Variants in RIPOR2 observed in about 807,000 individuals in gnomAD.
RIPOR2 encodes the protein rho family-interacting cell polarization regulator 2.
Under a neutral mutation model 114.5 loss-of-function variants are expected in RIPOR2, and 39 were observed. The observed-to-expected ratio is 0.34, with a 90% confidence interval of 0.26 to 0.44. RIPOR2 has a LOEUF of 0.44. Ranked by LOEUF, RIPOR2 falls within the 20% of genes least tolerant of loss-of-function variation. The pLI is 1.00. For missense variants in RIPOR2, 1,007 were observed against 1,255.1 expected, an observed-to-expected ratio of 0.80 and a Z score of 2.99; for synonymous variants, 445 against 484.4, an observed-to-expected ratio of 0.92 and a Z score of 1.07.
At chr6:24,817,948 A>C (rs1243067285) in intron 20 of RIPOR2, among the ~76,000 whole-genome samples, 1 of 144,568 alleles carries the variant, frequency 6.9e-6, no homozygotes, top group Non-Finnish European at 1.5e-5. Context: ...CTTTTAAAAT[A>C]AGATATACTT....
intron 1 of RIPOR2, among the ~76,000 whole-genome samples, chr6:25,004,386 T>C (rs1037735815): frequency 2.6e-5 from 4 of 152,210 alleles, no homozygotes; most frequent in Admixed American, 2.0e-4. Flanking sequence ...CCCTACTGCT[T>C]GGTCACAGTG....
At chr6:25,002,326 C>T (rs1002573428) in intron 1 of RIPOR2, among the ~76,000 whole-genome samples, 1 of 152,180 alleles carries the variant, frequency 6.6e-6, no homozygotes, top group Non-Finnish European at 1.5e-5. Context: ...AACGTATGTC[C>T]TCCAACTCGT....
In RIPOR2 at chr6:25,022,531, C is replaced by CTTTTTTTTTTTTTTTTTTTTTTTT. The variant is rs1561848668; in HGVS notation, c.76+19319_76+19320insAAAAAAAAAAAAAAAAAAAAAAAA. 5.4e-4 allele frequency among the ~76,000 whole-genome samples: 35 copies of CTTTTTTTTTTTTTTTTTTTTTTTT among 64,524 alleles called. 2 individuals are homozygous for CTTTTTTTTTTTTTTTTTTTTTTTT. The highest frequency in any genetic ancestry group is 1.1e-3 in the Non-Finnish European group (32 of 29,022). 42.3% of individuals were successfully genotyped at this position (64,524 alleles called of 152,430 possible). On this transcript the variant is annotated intron_variant, in intron 1 of 13. Coordinates refer to the RIPOR2 transcript ENST00000510784. ...CACATATAACTAATGTGGTACCTTCCATTTTTTTTTTTTTTTTTTTTTTTT... is the reference window on the plus strand; with the variant it reads ...CACATATAACTAATGTGGTACCTTCCTTTTTTTTTTTTTTTTTTTTTTTTATTTTTTTTTTTTTTTTTTTTTTTT...
intron 12 of RIPOR2, among the ~76,000 whole-genome samples, chr6:24,845,166 G>A (rs1031984860): frequency 4.6e-5 from 7 of 152,106 alleles, no homozygotes; most frequent in Non-Finnish European, 1.0e-4. Context: ...CTCCCAAACT[G>A]AGGATGTTTT....
chr6:25,001,241 G>A (rs1775301941), intron 1 of RIPOR2, among the ~76,000 whole-genome samples: 1 of 152,178 alleles, frequency 6.6e-6, no homozygotes. Flanking sequence ...ATGCATTTAT[G>A]TAATCATACA....
chr6:25,017,344 G>T (rs1776060110), intron 1 of RIPOR2, among the ~76,000 whole-genome samples: 1 of 152,162 alleles, frequency 6.6e-6, no homozygotes, highest in Admixed American at 6.5e-5. Context: ...ATGCCATTTA[G>T]GCAGAGCAAA....
intron 1 of RIPOR2, among the ~76,000 whole-genome samples, chr6:24,943,642 C>A (rs1305053735): frequency 6.6e-6 from 1 of 152,030 alleles, no homozygotes; most frequent in Non-Finnish European, 1.5e-5. Context: ...TTCAATAGAA[C>A]AATGAGTTTT....
At chr6:24,832,505 T>C in intron 15 of RIPOR2, 114 bp from the exon 16 acceptor site, 1 of 901,098 alleles carries the variant, frequency 1.1e-6, no homozygotes, top group Admixed American at 2.6e-5. Context: ...TCATGCGATG[T>C]TTTTCTTCCA....
At chr6:25,028,351 T>C (rs1391493814) in intron 1 of RIPOR2, among the ~76,000 whole-genome samples, 4 of 152,094 alleles carry the variant, frequency 2.6e-5, no homozygotes, top group Non-Finnish European at 5.9e-5. Context: ...GGAAGAACCA[T>C]AAAATTAGGA....
intron 7 of RIPOR2, 60 bp from the exon 8 acceptor site, chr6:24,861,096 C>T (rs1457788499): frequency 2.5e-6 from 3 of 1,213,770 alleles, no homozygotes; most frequent in East Asian, 4.8e-5. Flanking sequence ...GCTCAAAGCA[C>T]ACGACGTTCG....
chr6:24,887,846 G>C (rs187868785), intron 1 of RIPOR2, among the ~76,000 whole-genome samples: 87 of 152,310 alleles, frequency 5.7e-4, no homozygotes, highest in African/African-American at 2.0e-3. Context: ...TAAATGCAGG[G>C]AGTAGCAGCT....
chr6:25,003,289 A>G (rs998433839), intron 1 of RIPOR2, among the ~76,000 whole-genome samples: 4 of 152,046 alleles, frequency 2.6e-5, no homozygotes, highest in Non-Finnish European at 4.4e-5. Context: ...CTTTGAGAGT[A>G]TCATTGGGTA....
intron 3 of RIPOR2, among the ~76,000 whole-genome samples, 172 bp from the exon 4 acceptor site, chr6:24,873,131 G>A (rs1347722792): frequency 2.0e-5 from 3 of 152,196 alleles, no homozygotes; most frequent in African/African-American, 7.2e-5. Context: ...GTCTAGCAGT[G>A]GCACTGGATA....
chr6:24,836,109 C>T, intron 14 of RIPOR2: 1 of 507,200 alleles, frequency 2.0e-6, no homozygotes, highest in South Asian at 2.4e-5. Flanking sequence ...ACTTTTTAAG[C>T]CTAATGAACC....
intron 1 of RIPOR2, among the ~76,000 whole-genome samples, chr6:24,911,324 T>A (rs2114068727): frequency 6.6e-6 from 1 of 152,032 alleles, no homozygotes; most frequent in Admixed American, 6.5e-5. Context: ...ACCCGTGGAA[T>A]CGCGCCGGGG....
At position 24,819,662 on chromosome 6, in the gene RIPOR2, A is replaced by ATTTTTTTTTT. The variant is rs35638159; in HGVS notation, c.2869-1047_2869-1038dup. Among the ~76,000 whole-genome samples the ATTTTTTTTTT allele has an allele frequency of 1.4e-3, 141 of 103,294 alleles. 5 individuals carry two copies. The highest frequency in any genetic ancestry group is 3.1e-3 in the African/African-American group (97 of 30,812). The allele number at this position is 103,294 out of a possible 152,430, so 67.8% of individuals were successfully genotyped here. The stretch of plus-strand genomic sequence containing the variant: ...AGGTGCCCACCACCACGCCCAGCTA[A>ATTTTTTTTTT]TTTTTTTTTTTTTTTTTTTTAGTGG... On this transcript the variant is annotated intron_variant, in intron 19 of 21. Coordinates refer to ENST00000643898, the MANE Select transcript of RIPOR2 (RefSeq NM_001286445.3).
At chr6:25,006,735 C>T (rs185916532) in intron 1 of RIPOR2, among the ~76,000 whole-genome samples, 2 of 152,270 alleles carry the variant, frequency 1.3e-5, no homozygotes, top group East Asian at 1.9e-4. Flanking sequence ...GAATTCTCCC[C>T]ACAGGAAGAG....
chr6:24,901,336 G>A (rs932294172), intron 1 of RIPOR2, among the ~76,000 whole-genome samples: 20 of 152,146 alleles, frequency 1.3e-4, no homozygotes, highest in African/African-American at 4.8e-4. Flanking sequence ...TCTTCCATCA[G>A]TGAGGGAAAG....
intron 1 of RIPOR2, among the ~76,000 whole-genome samples, chr6:24,900,757 T>A (rs756197443): frequency 4.6e-5 from 7 of 152,082 alleles, no homozygotes; most frequent in Non-Finnish European, 8.8e-5. Context: ...GACTCTGTAG[T>A]TTTCTGTCAA....
Sources: gnomAD v4.1 joint callset for allele counts (sites outside exome capture counted in the v4.1 genomes callset) on GRCh38, gnomAD v4.1.1 for gene constraint, MANE v1.5 for transcripts, NCBI Gene and HGNC (gene_info 2026-07-23, HGNC 2026-07-21) for gene names.